SSBP2: variants seen among roughly 807,000 people sequenced by gnomAD.
The protein encoded by SSBP2 is single stranded DNA binding protein 2, also known as single-stranded DNA-binding protein 2.
In SSBP2, 17 loss-of-function variants were observed where a neutral mutation model predicts 61.8. The observed-to-expected ratio is 0.28, with a 90% CI of 0.19 to 0.41. SSBP2 has a LOEUF of 0.41. Among genes scored for constraint, SSBP2 ranks in the 10% least tolerant of loss-of-function variants. The pLI, the probability that SSBP2 is intolerant of heterozygous loss-of-function variation, is 1.00. For synonymous variants in SSBP2, 139 were observed against 141.3 expected (o/e 0.98, Z 0.12); for missense variants, 310 against 458.7 (o/e 0.68, Z 2.96).
At chr5:81,748,764 T>C (rs920887744) in intron 1 of SSBP2, among the ~76,000 whole-genome samples, 2 of 152,194 alleles carry the variant, frequency 1.3e-5, no homozygotes, top group African/African-American at 4.8e-5. Context: ...AGAGTAGATA[T>C]TACTTGGTGT....
intron 2 of SSBP2, among the ~76,000 whole-genome samples, chr5:81,641,104 G>A (rs1340580227): frequency 1.3e-5 from 2 of 152,150 alleles, no homozygotes; most frequent in Non-Finnish European, 2.9e-5. Flanking sequence ...AGGTTTCAAT[G>A]CCAGGGTGTG....
intron 4 of SSBP2, among the ~76,000 whole-genome samples, chr5:81,569,552 C>G (rs909096712): frequency 6.6e-6 from 1 of 152,162 alleles, no homozygotes; most frequent in African/African-American, 2.4e-5. Flanking sequence ...TCCCTAAACA[C>G]CTCATGCTCT....
intron 14 of SSBP2, among the ~76,000 whole-genome samples, chr5:81,439,614 C>A (rs952462595): frequency 6.6e-6 from 1 of 150,394 alleles, no homozygotes; most frequent in East Asian, 1.9e-4. Flanking sequence ...CGATTCTCTG[C>A]CTTAGCCTTT....
At chr5:81,439,829 G>A (rs1762910583) in intron 14 of SSBP2, among the ~76,000 whole-genome samples, 1 of 151,794 alleles carries the variant, frequency 6.6e-6, no homozygotes, top group Admixed American at 6.6e-5. Flanking sequence ...CCACCACCGC[G>A]CCTGGCTAAT....
intron 4 of SSBP2, among the ~76,000 whole-genome samples, chr5:81,614,306 G>A (rs1428606012): frequency 7.0e-6 from 1 of 142,268 alleles, no homozygotes; most frequent in Non-Finnish European, 1.5e-5. Context: ...CTTGCAGTGA[G>A]CCGAGATTGC....
intron 1 of SSBP2, among the ~76,000 whole-genome samples, chr5:81,699,156 G>A (rs190880964): frequency 1.8e-4 from 28 of 152,316 alleles, no homozygotes; most frequent in Admixed American, 1.8e-3. Context: ...GATCATCTGC[G>A]CATTCAGCAA....
chr5:81,594,631 T>C (rs1415237295), intron 4 of SSBP2, among the ~76,000 whole-genome samples: 1 of 152,254 alleles, frequency 6.6e-6, no homozygotes, highest in South Asian at 2.1e-4. Context: ...ACAGAAACTA[T>C]AACAAACTGT....
chr5:81,479,447 C>T (rs1336537660), intron 6 of SSBP2, among the ~76,000 whole-genome samples: 1 of 152,032 alleles, frequency 6.6e-6, no homozygotes, highest in Non-Finnish European at 1.5e-5. Context: ...TCCACTACCT[C>T]GCCTGGCTAA....
At chr5:81,507,594 G>T (rs1406638660) in intron 5 of SSBP2, among the ~76,000 whole-genome samples, 2 of 152,060 alleles carry the variant, frequency 1.3e-5, no homozygotes, top group Admixed American at 6.6e-5. Flanking sequence ...AGATTACGTT[G>T]TGTTTTTATA....
chr5:81,587,014 T>C (rs1775107367), intron 4 of SSBP2, among the ~76,000 whole-genome samples: 1 of 151,994 alleles, frequency 6.6e-6, no homozygotes. Flanking sequence ...AAGGGACTCT[T>C]CTAAGCTTGC....
intron 15 of SSBP2, among the ~76,000 whole-genome samples, chr5:81,432,933 G>C (rs540158856): frequency 8.1e-5 from 11 of 135,868 alleles, no homozygotes; most frequent in African/African-American, 3.1e-4. Context: ...GGAGGGAGGT[G>C]GGGGGGGTCA....
At chr5:81,574,161 A>G (rs1027829097) in intron 4 of SSBP2, among the ~76,000 whole-genome samples, 71 of 152,260 alleles carry the variant, frequency 4.7e-4, no homozygotes, top group African/African-American at 1.4e-3. Flanking sequence ...AAAACAAAAC[A>G]AAACGAAAAA....
chr5:81,544,241 G>A (rs1478068904), intron 4 of SSBP2, among the ~76,000 whole-genome samples: 1 of 152,124 alleles, frequency 6.6e-6, no homozygotes, highest in Non-Finnish European at 1.5e-5. Context: ...TAGAGACGGG[G>A]TTTCACCATC....
chr5:81,552,889 G>C (rs577486972), intron 4 of SSBP2, among the ~76,000 whole-genome samples: 1 of 151,942 alleles, frequency 6.6e-6, no homozygotes, highest in African/African-American at 2.4e-5. Context: ...TACAGCAATG[G>C]ATAATATTAC....
chr5:81,534,496 G>A (rs529237213), intron 4 of SSBP2, among the ~76,000 whole-genome samples: 28 of 152,194 alleles, frequency 1.8e-4, no homozygotes, highest in African/African-American at 6.7e-4. Context: ...TATGGACAAT[G>A]TAAGGAGAAA....
rs548577976 is a variant in SSBP2 at position 81,674,020 on chromosome 5, C to G, written c.63-23681G>C. 3.3e-5 allele frequency among the ~76,000 whole-genome samples: 5 copies of G among 152,258 alleles called. No homozygotes were observed. The East Asian group carries it at 7.7e-4, about 23-fold the overall frequency. The stretch of plus-strand genomic sequence containing the variant: ...AACCAGATAACCTTTAAAATATCTC[C>G]TAAGTACAAGATTATTTAATCCTAT... On this transcript the variant is annotated intron_variant, in intron 1 of 16. Coordinates refer to ENST00000320672, the MANE Select transcript of SSBP2 (RefSeq NM_012446.5).
At chr5:81,710,603 C>T (rs1199698190) in intron 1 of SSBP2, 1 of 431,886 alleles carries the variant, frequency 2.3e-6, no homozygotes, top group Non-Finnish European at 4.6e-6. Flanking sequence ...CTGAAAACAA[C>T]TTATTCTTAA....
chr5:81,431,675 CTT>C (rs2153924088), intron 15 of SSBP2, among the ~76,000 whole-genome samples: 1 of 152,142 alleles, frequency 6.6e-6, no homozygotes, highest in African/African-American at 2.4e-5. Context: ...GCCTTGGACT[CTT>C]GGGCTCAAGT....
chr5:81,608,985 G>C (rs1745174429), intron 4 of SSBP2, among the ~76,000 whole-genome samples: 1 of 152,112 alleles, frequency 6.6e-6, no homozygotes, highest in Admixed American at 6.6e-5. Context: ...ATTATATAGA[G>C]ATTCAATTTA....
Sources: gnomAD v4.1 joint callset for allele counts (sites outside exome capture counted in the v4.1 genomes callset) on GRCh38, gnomAD v4.1.1 for gene constraint, MANE v1.5 for transcripts, NCBI Gene and HGNC (gene_info 2026-07-23, HGNC 2026-07-21) for gene names.